Variants in SAMD5 observed in about 807,000 individuals in gnomAD.
The protein encoded by SAMD5 is sterile alpha motif domain containing 5, also known as sterile alpha motif domain-containing protein 5.
SAMD5 carries 13 observed loss-of-function variants against 11.3 expected under a neutral mutation model. The observed-to-expected ratio is 1.15, with a 90% CI of 0.75 to 1.83. The LOEUF (loss-of-function observed/expected upper bound fraction) is 1.83, where lower values mean the gene tolerates loss of function less well. Among genes scored for constraint, SAMD5 ranks in the 40% most tolerant of loss-of-function variants. The pLI is 0.00. For synonymous variants in SAMD5, 129 were observed against 111.3 expected (o/e 1.16, Z -1.00); for missense variants, 255 against 239.1 (o/e 1.07, Z -0.44).
intron 1 of SAMD5, among the ~76,000 whole-genome samples, chr6:147,631,532 T>C (rs1348018420): frequency 6.6e-6 from 1 of 152,158 alleles, no homozygotes; most frequent in African/African-American, 2.4e-5. Flanking sequence ...CCTGAGAAAC[T>C]GCTTGGGTGA....
At chr6:147,511,169 C>T (rs557042648) in intron 1 of SAMD5, among the ~76,000 whole-genome samples, 18 of 152,186 alleles carry the variant, frequency 1.2e-4, no homozygotes, top group African/African-American at 3.6e-4. Context: ...TGTAATGGGG[C>T]GGGGAGAGCA....
the SAMD5 span, among the ~76,000 whole-genome samples, chr6:147,803,131 CTGTGTGTG>C: frequency 0.033 from 4,527 of 136,778 alleles, 198 homozygotes; most frequent in African/African-American, 0.11. Flanking sequence ...GCCTTCCTTT[CTGTGTGTG>C]TGTGTGTGTG....
At chr6:147,788,590 A>C in the SAMD5 span, among the ~76,000 whole-genome samples, 1 of 152,236 alleles carries the variant, frequency 6.6e-6, no homozygotes, top group African/African-American at 2.4e-5. Flanking sequence ...TTTCAAAATA[A>C]GATTTTCCGA....
At chr6:147,921,669 G>C in the SAMD5 span, among the ~76,000 whole-genome samples, 34,618 of 152,022 alleles carry the variant, frequency 0.23, 4,477 homozygotes, top group African/African-American at 0.34. Context: ...CGTGCATTGG[G>C]AGGTGGTAGT....
intron 1 of SAMD5, among the ~76,000 whole-genome samples, chr6:147,544,311 C>A (rs1294083926): frequency 6.6e-6 from 1 of 152,094 alleles, no homozygotes; most frequent in East Asian, 1.9e-4. Flanking sequence ...TCATTCTTCC[C>A]AGAGTAACAT....
chr6:147,876,999 A>G, the SAMD5 span, among the ~76,000 whole-genome samples: 1 of 152,174 alleles, frequency 6.6e-6, no homozygotes, highest in Non-Finnish European at 1.5e-5. Flanking sequence ...GGAGGCAGAC[A>G]GGCCCCAGTG....
At chr6:147,755,548 A>G in the SAMD5 span, among the ~76,000 whole-genome samples, 1 of 152,086 alleles carries the variant, frequency 6.6e-6, no homozygotes, top group Non-Finnish European at 1.5e-5. Flanking sequence ...AAGTCAAACC[A>G]TTATCTTCTA....
chr6:147,539,592 G>GT (rs1246654603), intron 1 of SAMD5, among the ~76,000 whole-genome samples: 30 of 150,856 alleles, frequency 2.0e-4, no homozygotes, highest in Admixed American at 2.7e-4. Context: ...AGAGGTTTTT[G>GT]TTTTTTTTCC....
chr6:147,898,827 A>G, the SAMD5 span, among the ~76,000 whole-genome samples: 1 of 152,094 alleles, frequency 6.6e-6, no homozygotes, highest in African/African-American at 2.4e-5. Context: ...AGATAATAAT[A>G]TTTCACCCTA....
rs201612115 is a variant in SAMD5 at position 147,569,641 on chromosome 6, TTG to T, written c.*5187_*5188del. 929 of 985,426 alleles carry T rather than the reference TTG, an allele frequency of 9.4e-4. 15 individuals are homozygous for T. The African/African-American group carries it at 0.015, about 16-fold the overall frequency. 61.0% of individuals were successfully genotyped at this position (985,426 alleles called of 1,614,324 possible). On this transcript the variant is annotated 3_prime_UTR_variant, in exon 2 of 2. Coordinates refer to ENST00000367474, the MANE Select transcript of SAMD5 (RefSeq NM_001030060.3). ...ACTGGGACAAACGTTAGAAATTGTA[TTG>T]TTCATTGCACTTGTTGCCCTGTTCC...
intron 1 of SAMD5, among the ~76,000 whole-genome samples, chr6:147,685,925 A>C (rs1396485941): frequency 6.6e-6 from 1 of 152,162 alleles, no homozygotes; most frequent in Non-Finnish European, 1.5e-5. Flanking sequence ...TTATTTACCT[A>C]GTGATTTGTA....
At chr6:147,714,328 G>A (rs1007386780) in intron 1 of SAMD5, among the ~76,000 whole-genome samples, 2 of 152,178 alleles carry the variant, frequency 1.3e-5, no homozygotes, top group Admixed American at 1.3e-4. Context: ...TCTATGGTCT[G>A]GCAGAAATTG....
chr6:147,938,395 A>T, the SAMD5 span, among the ~76,000 whole-genome samples: 1 of 152,226 alleles, frequency 6.6e-6, no homozygotes, highest in Non-Finnish European at 1.5e-5. Context: ...TTGTGCTACT[A>T]ATCTATCAGA....
intron 1 of SAMD5, among the ~76,000 whole-genome samples, chr6:147,615,583 T>C (rs1789854423): frequency 6.6e-6 from 1 of 152,186 alleles, no homozygotes; most frequent in South Asian, 2.1e-4. Context: ...ATGAATGAAA[T>C]GAATGAATGA....
At position 147,509,109 on chromosome 6, in the gene SAMD5, C is replaced by A. The variant is rs773161628; in HGVS notation, c.181C>A (p.Arg61=). ...HRRRILEAVR[R]LREQDANAAG... ...CCGCCGTATCCTGGAGGCCGTGCGCCGGCTGCGGGAGCAGGACGCCAACGC... is the reference window on the plus strand; with the variant it reads ...CCGCCGTATCCTGGAGGCCGTGCGCAGGCTGCGGGAGCAGGACGCCAACGC... The change falls in exon 1 of 2, where the codon CGG becomes AGG. Residue 61 remains arginine (R), a synonymous_variant. Coordinates refer to ENST00000367474, the MANE Select transcript of SAMD5 (RefSeq NM_001030060.3). The A allele has an allele frequency of 2.3e-5, 37 of 1,584,200 alleles. No homozygotes were observed. Among genetic ancestry groups the A allele is most frequent in the Non-Finnish European group, 2.4e-5 (28 of 1,167,204 alleles).
chr6:147,821,487 C>A, the SAMD5 span, among the ~76,000 whole-genome samples: 1 of 152,190 alleles, frequency 6.6e-6, no homozygotes, highest in Non-Finnish European at 1.5e-5. Context: ...CCAACAAAAG[C>A]TCTCACGGCT....
intron 1 of SAMD5, among the ~76,000 whole-genome samples, chr6:147,712,468 G>GT (rs1028519766): frequency 1.3e-5 from 2 of 152,110 alleles, no homozygotes; most frequent in African/African-American, 4.8e-5. Flanking sequence ...CTAGCTCCAT[G>GT]TTTTTTCCGC....
intron 1 of SAMD5, among the ~76,000 whole-genome samples, chr6:147,559,671 G>A (rs1165387851): frequency 6.6e-6 from 1 of 152,136 alleles, no homozygotes; most frequent in African/African-American, 2.4e-5. Flanking sequence ...TAATTAGGAT[G>A]ACATTTGGGT....
At chr6:147,542,284 T>C (rs1390165202) in intron 1 of SAMD5, among the ~76,000 whole-genome samples, 2 of 152,170 alleles carry the variant, frequency 1.3e-5, no homozygotes, top group East Asian at 1.9e-4. Flanking sequence ...GGGGAGCCAC[T>C]GAACCAGGGG....
Sources: gnomAD v4.1 joint callset for allele counts (sites outside exome capture counted in the v4.1 genomes callset) on GRCh38, gnomAD v4.1.1 for gene constraint, MANE v1.5 for transcripts, NCBI Gene and HGNC (gene_info 2026-07-23, HGNC 2026-07-21) for gene names.